SUFU: variants seen among roughly 807,000 people sequenced by gnomAD.
SUFU encodes SUFU negative regulator of hedgehog signaling.
SUFU carries 7 observed loss-of-function variants against 58.9 expected under a neutral mutation model. The ratio of observed to expected loss-of-function variants is 0.12; its 90% CI spans 0.07 to 0.22. SUFU has a LOEUF of 0.22. Among genes scored for constraint, SUFU ranks in the 10% least tolerant of loss-of-function variants. The pLI is 1.00. For synonymous variants in SUFU, 232 were observed against 254.8 expected (o/e 0.91, Z 0.85); for missense variants, 451 against 641.3 (o/e 0.70, Z 3.20).
intron 8 of SUFU, among the ~76,000 whole-genome samples, chr10:102,611,555 C>CAGTT (rs1392523516): frequency 1.3e-5 from 2 of 152,200 alleles, no homozygotes; most frequent in Non-Finnish European, 2.9e-5. Context: ...TGGCCAGAGG[C>CAGTT]AGTTGTAAAG....
intron 2 of SUFU, among the ~76,000 whole-genome samples, chr10:102,529,631 C>T (rs1316563876): frequency 1.3e-5 from 2 of 152,090 alleles, no homozygotes; most frequent in African/African-American, 4.8e-5. Flanking sequence ...TGCCACTGCA[C>T]TCCAGCCTGG....
At chr10:102,504,372 C>T (rs2135599127) in intron 1 of SUFU, 38 bp downstream of exon 1, 1 of 1,612,148 alleles carries the variant, frequency 6.2e-7, no homozygotes, top group Non-Finnish European at 8.5e-7. Flanking sequence ...CAGGCGCGGG[C>T]TGGAAAGGGT....
At chr10:102,598,090 T>TA (rs917769777) in intron 7 of SUFU, among the ~76,000 whole-genome samples, 11 of 152,220 alleles carry the variant, frequency 7.2e-5, no homozygotes, top group Admixed American at 7.2e-4. Flanking sequence ...TGATAACACT[T>TA]ATAAAAGGTT....
intron 3 of SUFU, chr10:102,579,834 T>C: frequency 1.0e-6 from 1 of 985,384 alleles, no homozygotes; most frequent in Non-Finnish European, 1.2e-6. Context: ...GTGATAAAAC[T>C]GCATCCAGAA....
In SUFU at chr10:102,509,082, C is replaced by T. The variant is rs185038633; in HGVS notation, c.183-87C>T. The T allele has an allele frequency of 1.6e-3, 2,499 of 1,594,972 alleles. 44 individuals are homozygous for T. Among genetic ancestry groups the T allele is most frequent in the Non-Finnish European group, 4.7e-4 (543 of 1,166,656 alleles). On this transcript the variant is annotated intron_variant, in intron 1 of 11. Coordinates refer to ENST00000369902, the MANE Select transcript of SUFU (RefSeq NM_016169.4). ...CACCCAGGTTCCTCCAGGATGGGTCCTTTAGGTTTACAAAGTAGAGCGCCT... is the reference window on the plus strand; with the variant it reads ...CACCCAGGTTCCTCCAGGATGGGTCTTTTAGGTTTACAAAGTAGAGCGCCT...
chr10:102,626,774 G>A (rs1022834825), intron 10 of SUFU, among the ~76,000 whole-genome samples: 9 of 152,232 alleles, frequency 5.9e-5, no homozygotes, highest in African/African-American at 1.7e-4. Flanking sequence ...GGCAGAGGGG[G>A]ACACTAGAGC....
chr10:102,596,287 C>T (rs2063460976), intron 6 of SUFU, among the ~76,000 whole-genome samples: 1 of 152,186 alleles, frequency 6.6e-6, no homozygotes, highest in Admixed American at 6.5e-5. Flanking sequence ...CAGTCACAAG[C>T]TTGATTTGGC....
At chr10:102,578,354 G>A (rs2063236630) in intron 3 of SUFU, among the ~76,000 whole-genome samples, 1 of 151,682 alleles carries the variant, frequency 6.6e-6, no homozygotes, top group South Asian at 2.1e-4. Context: ...GAGGTGGGTG[G>A]ATCACTTGAA....
At chr10:102,626,534 G>A (rs921429743) in intron 10 of SUFU, among the ~76,000 whole-genome samples, 1 of 152,158 alleles carries the variant, frequency 6.6e-6, no homozygotes, top group African/African-American at 2.4e-5. Context: ...GGCTGATCGA[G>A]CACAGCAGGT....
chr10:102,597,331 C>T (rs1181546745), intron 7 of SUFU, 38 bp downstream of exon 7: 11 of 1,599,908 alleles, frequency 6.9e-6, no homozygotes, highest in East Asian at 2.2e-5. Context: ...AGCCTTCCTC[C>T]TTCCTTTTCC....
intron 3 of SUFU, among the ~76,000 whole-genome samples, chr10:102,588,193 G>A (rs2063355069): frequency 1.3e-5 from 2 of 151,922 alleles, no homozygotes; most frequent in African/African-American, 2.4e-5. Flanking sequence ...TCAGGAGATC[G>A]AGACCCTGGC....
intron 3 of SUFU, among the ~76,000 whole-genome samples, chr10:102,572,392 C>CCT (rs2063171107): frequency 7.7e-6 from 1 of 130,228 alleles, no homozygotes; most frequent in African/African-American, 2.9e-5. Context: ...CTTTTTCTTT[C>CCT]TTTTTTTTTT....
chr10:102,630,401 A>C lies in SUFU; in HGVS notation c.*246A>C. The C allele has an allele frequency of 1.8e-6, 1 of 557,790 alleles. No individual in the cohort carries two copies. The highest frequency in any genetic ancestry group is 2.0e-5 in the South Asian group (1 of 50,566). The allele number at this position is 557,790 out of a possible 1,614,324, so 34.6% of individuals were successfully genotyped here. ...GACCCATCAGGCCAGTGAGTGGGCA[A>C]ATGCGGACCCTCCCTGCCTGCAGCC... On this transcript the variant is annotated 3_prime_UTR_variant, in exon 12 of 12. Coordinates refer to ENST00000369902, the MANE Select transcript of SUFU (RefSeq NM_016169.4).
At chr10:102,533,074 C>G (rs1307799517) in intron 2 of SUFU, among the ~76,000 whole-genome samples, 1 of 151,978 alleles carries the variant, frequency 6.6e-6, no homozygotes, top group East Asian at 1.9e-4. Context: ...GGCAGAGTTG[C>G]CAGAACTCAC....
intron 3 of SUFU, among the ~76,000 whole-genome samples, chr10:102,582,329 G>T: frequency 6.6e-6 from 1 of 152,224 alleles, no homozygotes; most frequent in East Asian, 1.9e-4. Flanking sequence ...CTTGAAGAAT[G>T]TATTTGTAAG....
chr10:102,626,343 G>A (rs572210473), intron 10 of SUFU, among the ~76,000 whole-genome samples: 7 of 152,284 alleles, frequency 4.6e-5, no homozygotes, highest in South Asian at 4.1e-4. Context: ...GCCCTTGGAC[G>A]TTGGTATTGG....
chr10:102,576,090 C>G (rs1395843938), intron 3 of SUFU, among the ~76,000 whole-genome samples: 1 of 151,734 alleles, frequency 6.6e-6, no homozygotes, highest in Non-Finnish European at 1.5e-5. Context: ...AAGTGATCCA[C>G]CCACCTCAGC....
At chr10:102,615,590 A>C (rs1277364738) in intron 9 of SUFU, among the ~76,000 whole-genome samples, 188 bp downstream of exon 9, 1 of 152,002 alleles carries the variant, frequency 6.6e-6, no homozygotes, top group Non-Finnish European at 1.5e-5. Flanking sequence ...GGCAGCCTAC[A>C]CACCTAAGCA....
chr10:102,608,640 C>T (rs1355434234), intron 8 of SUFU, among the ~76,000 whole-genome samples: 1 of 152,206 alleles, frequency 6.6e-6, no homozygotes, highest in African/African-American at 2.4e-5. Context: ...TGTGAGAAAG[C>T]AGCTTGGGCA....
Sources: gnomAD v4.1 joint callset for allele counts (sites outside exome capture counted in the v4.1 genomes callset) on GRCh38, gnomAD v4.1.1 for gene constraint, MANE v1.5 for transcripts, NCBI Gene and HGNC (gene_info 2026-07-23, HGNC 2026-07-21) for gene names.